The following PARD3 variants were observed in gnomAD, a reference collection of about 807,000 sequenced individuals.
PARD3 encodes par-3 family cell polarity regulator.
PARD3 carries 75 observed loss-of-function variants against 155.4 expected under a neutral mutation model. The observed-to-expected ratio is 0.48, with a 90% CI of 0.40 to 0.58. The LOEUF (loss-of-function observed/expected upper bound fraction) is 0.58. PARD3 is among the 20% of genes least tolerant of loss of function. The pLI is 0.00. For missense variants in PARD3, 1,642 were observed against 1,721.7 expected, an observed-to-expected ratio of 0.95 and a Z score of 0.82; for synonymous variants, 576 against 610.5, an observed-to-expected ratio of 0.94 and a Z score of 0.83.
At chr10:34,696,994 TG>T (rs2094184496) in intron 1 of PARD3, among the ~76,000 whole-genome samples, 1 of 114,494 alleles carries the variant, frequency 8.7e-6, no homozygotes, top group Non-Finnish European at 1.8e-5. Context: ...AGAGACAAAA[TG>T]ACACACACAC....
intron 2 of PARD3, among the ~76,000 whole-genome samples, chr10:34,578,996 C>T (rs563633367): frequency 6.6e-6 from 1 of 152,092 alleles, no homozygotes; most frequent in Non-Finnish European, 1.5e-5. Flanking sequence ...TATAAGGCTG[C>T]GCGCAGTAGC....
At chr10:34,265,614 T>C (rs1032152988) in intron 22 of PARD3, among the ~76,000 whole-genome samples, 2 of 152,244 alleles carry the variant, frequency 1.3e-5, no homozygotes, top group African/African-American at 4.8e-5. Flanking sequence ...ATTGTGTCTA[T>C]TCTTCATACA....
intron 14 of PARD3, among the ~76,000 whole-genome samples, chr10:34,351,094 C>A (rs566979683): frequency 6.6e-6 from 1 of 152,286 alleles, no homozygotes; most frequent in South Asian, 2.1e-4. Context: ...TATGCATTAG[C>A]AAGCCAAATA....
At chr10:34,808,671 T>C (rs1392433378) in intron 1 of PARD3, among the ~76,000 whole-genome samples, 1 of 152,124 alleles carries the variant, frequency 6.6e-6, no homozygotes, top group Non-Finnish European at 1.5e-5. Context: ...GCTCTAATCA[T>C]CTATGGGGAG....
chr10:34,445,054 C>T (rs975226077), intron 5 of PARD3, among the ~76,000 whole-genome samples: 15 of 151,920 alleles, frequency 9.9e-5, no homozygotes, highest in Non-Finnish European at 4.4e-5. Context: ...ATTGGAAAGG[C>T]AGAGGATTTT....
intron 1 of PARD3, among the ~76,000 whole-genome samples, chr10:34,765,810 G>C (rs1215310462): frequency 6.6e-6 from 1 of 152,148 alleles, no homozygotes; most frequent in Non-Finnish European, 1.5e-5. Context: ...ATCTCTGCAG[G>C]GATTGTGAGC....
chr10:34,405,811 G>A (rs7067991), intron 5 of PARD3, among the ~76,000 whole-genome samples: 80,325 of 151,964 alleles, frequency 0.53, 21,908 homozygotes, highest in African/African-American at 0.67. Flanking sequence ...AAGGTGATGT[G>A]AAGAGGATCC....
intron 1 of PARD3, among the ~76,000 whole-genome samples, chr10:34,729,778 G>T (rs887128791): frequency 6.6e-6 from 1 of 152,144 alleles, no homozygotes; most frequent in Non-Finnish European, 1.5e-5. Context: ...TCTCCTGGAG[G>T]AGCCGGAAAA....
chr10:34,693,338 T>G (rs1216961885), intron 2 of PARD3, among the ~76,000 whole-genome samples: 2 of 152,094 alleles, frequency 1.3e-5, no homozygotes, highest in African/African-American at 4.8e-5. Context: ...AGCAAAGACA[T>G]GGAATCAACC....
At chr10:34,661,951 A>T (rs189793490) in intron 2 of PARD3, among the ~76,000 whole-genome samples, 1 of 152,172 alleles carries the variant, frequency 6.6e-6, no homozygotes, top group Non-Finnish European at 1.5e-5. Context: ...GCCCCACTGG[A>T]AAGAAGGTCC....
intron 14 of PARD3, among the ~76,000 whole-genome samples, chr10:34,351,927 G>A (rs1378002882): frequency 1.3e-5 from 2 of 152,198 alleles, no homozygotes; most frequent in Non-Finnish European, 2.9e-5. Context: ...ATTCATAAAT[G>A]ATACCTTAGG....
chr10:34,398,767 T>G (rs918025319), intron 7 of PARD3, among the ~76,000 whole-genome samples: 2 of 152,218 alleles, frequency 1.3e-5, no homozygotes, highest in African/African-American at 4.8e-5. Flanking sequence ...TAAGGATGCA[T>G]GTTCTGTAAA....
chr10:34,468,071 G>A (rs2078119172), intron 4 of PARD3, among the ~76,000 whole-genome samples: 1 of 152,162 alleles, frequency 6.6e-6, no homozygotes, highest in African/African-American at 2.4e-5. Context: ...TGGAGGCAGG[G>A]TGGTGTATAG....
intron 19 of PARD3, among the ~76,000 whole-genome samples, chr10:34,321,989 T>C (rs911856402): frequency 6.6e-6 from 1 of 152,108 alleles, no homozygotes; most frequent in Non-Finnish European, 1.5e-5. Flanking sequence ...GTGATGCTAC[T>C]GTTGATACTA....
chr10:34,339,405 A>C (rs1469054218), intron 16 of PARD3, among the ~76,000 whole-genome samples: 1 of 152,200 alleles, frequency 6.6e-6, no homozygotes, highest in East Asian at 1.9e-4. Context: ...CCAATACTGC[A>C]CCAAACTTGT....
At chr10:34,620,689 G>C (rs1404941725) in intron 2 of PARD3, among the ~76,000 whole-genome samples, 4 of 152,166 alleles carry the variant, frequency 2.6e-5, no homozygotes, top group Non-Finnish European at 5.9e-5. Context: ...AGCTCACCTT[G>C]CAATTTCAGG....
At chr10:34,802,072 AT>A (rs1842882073) in intron 1 of PARD3, among the ~76,000 whole-genome samples, 2 of 152,178 alleles carry the variant, frequency 1.3e-5, no homozygotes, top group Admixed American at 6.5e-5. Context: ...AGCAAATAAA[AT>A]TTATGTAATT....
intron 5 of PARD3, among the ~76,000 whole-genome samples, chr10:34,436,790 T>C (rs1006488922): frequency 7.2e-5 from 11 of 152,026 alleles, no homozygotes; most frequent in Non-Finnish European, 1.5e-5. Flanking sequence ...TGTCAGTCTA[T>C]AAGGATTGCC....
chr10:34,391,731 A>G (rs182142704), intron 7 of PARD3, among the ~76,000 whole-genome samples: 5 of 152,398 alleles, frequency 3.3e-5, no homozygotes, highest in Admixed American at 3.3e-4. Context: ...ATCTGCATAT[A>G]GATTATTTTA....
Sources: gnomAD v4.1 joint callset for allele counts (sites outside exome capture counted in the v4.1 genomes callset) on GRCh38, gnomAD v4.1.1 for gene constraint, MANE v1.5 for transcripts, NCBI Gene and HGNC (gene_info 2026-07-23, HGNC 2026-07-21) for gene names.